The following TPM1 variants were observed in gnomAD, a reference collection of about 807,000 sequenced individuals.
The protein encoded by TPM1 is tropomyosin alpha-1 chain.
In TPM1, 24 loss-of-function variants were observed where a neutral mutation model predicts 42.9. The observed-to-expected ratio is 0.56, with a 90% CI of 0.41 to 0.79. The LOEUF (loss-of-function observed/expected upper bound fraction) is 0.79, where lower values mean the gene tolerates loss of function less well. Among genes scored for constraint, TPM1 ranks in the 30% least tolerant of loss-of-function variants. TPM1 has a pLI of 0.00. For missense variants in TPM1, 158 were observed against 351.8 expected, an observed-to-expected ratio of 0.45 and a Z score of 4.41; for synonymous variants, 136 against 130.1, an observed-to-expected ratio of 1.05 and a Z score of -0.31.
chr15:63,065,193 GAGA>G lies in TPM1; in HGVS notation c.852-698_852-696del. 4.1e-6 allele frequency: 4 copies of G among 985,488 alleles called. No individual in the cohort carries two copies. In the Middle Eastern group the frequency reaches 1.6e-3, roughly 386 times the overall value. The allele number at this position is 985,488 out of a possible 1,614,324, so 61.0% of individuals were successfully genotyped here. A position where few individuals can be genotyped will look rare whatever the true frequency, so the allele number is the denominator to read the frequency against. On this transcript the variant is annotated intron_variant, in intron 9 of 9. Coordinates refer to ENST00000403994, the MANE Select transcript of TPM1 (RefSeq NM_001018005.2). ...TTGGAGTAGGTAGTCTTGTTATCAT[GAGA>G]AGAACCTTGAACAGATACAACTAAT...
At chr15:63,049,063 T>C (rs78880342) in intron 2 of TPM1, 20,500 of 296,784 alleles carry the variant, frequency 0.069, 1,078 homozygotes, top group East Asian at 0.17. Context: ...TGGCTTGCTT[T>C]ACTCTGAGAG....
At position 63,061,271 on chromosome 15, in the gene TPM1, A is replaced by G. The variant is rs1566965048; in HGVS notation, c.563+332A>G. Reference sequence around the variant, plus strand: ...GAAAGCATTAATGGCTGCAGAGGATAAGGTACTGATGGCTCGTGTGGTTTT... The same window carrying G: ...GAAAGCATTAATGGCTGCAGAGGATGAGGTACTGATGGCTCGTGTGGTTTT... On this transcript the variant is annotated intron_variant, in intron 5 of 9. Coordinates refer to ENST00000403994, the MANE Select transcript of TPM1 (RefSeq NM_001018005.2). 7 of 1,614,194 alleles carry G rather than the reference A, an allele frequency of 4.3e-6. No individual in the cohort carries two copies. Among genetic ancestry groups the G allele is most frequent in the Non-Finnish European group, 5.9e-6 (7 of 1,180,014 alleles).
intron 9 of TPM1, chr15:63,064,650 G>C: frequency 1.0e-6 from 1 of 999,134 alleles, no homozygotes; most frequent in South Asian, 4.3e-5. Flanking sequence ...TACTACAAAA[G>C]ATCATCTCTT....
chr15:63,049,148 C>G, intron 2 of TPM1: 1 of 207,578 alleles, frequency 4.8e-6, no homozygotes, highest in Non-Finnish European at 1.0e-5. Context: ...GTGGGAGAGG[C>G]ACTGTGGACT....
intron 1 of TPM1, chr15:63,043,648 T>C (rs2031695923): frequency 6.5e-7 from 1 of 1,535,502 alleles, no homozygotes. Flanking sequence ...CCGTGTGTTG[T>C]GTGTGTCTAA....
intron 5 of TPM1, 37 bp downstream of exon 5, chr15:63,060,976 T>G (rs1035270359): frequency 6.2e-7 from 1 of 1,611,660 alleles, no homozygotes; most frequent in Non-Finnish European, 8.5e-7. Flanking sequence ...ACGAATGGGG[T>G]GCTGCAGAGC....
intron 5 of TPM1, 104 bp from the exon 6 acceptor site, chr15:63,061,609 C>A: frequency 9.0e-7 from 1 of 1,112,920 alleles, no homozygotes; most frequent in Non-Finnish European, 1.4e-6. Context: ...GGCAGCCCTT[C>A]GTCTCTAGGA....
chr15:63,065,828 CCTTT>C (rs1487202213), intron 9 of TPM1, 64 bp from the exon 10 acceptor site: 9 of 1,511,704 alleles, frequency 6.0e-6, no homozygotes, highest in Non-Finnish European at 6.3e-6. Flanking sequence ...GGTTTGGTTT[CCTTT>C]CTTTTTTTTT....
At chr15:63,050,726 A>G (rs750783263) in intron 2 of TPM1, among the ~76,000 whole-genome samples, 4 of 152,226 alleles carry the variant, frequency 2.6e-5, no homozygotes, top group Non-Finnish European at 5.9e-5. Flanking sequence ...GGATCAGACC[A>G]TTGAAGAGAG....
At chr15:63,043,006 G>C in intron 1 of TPM1, 63 bp downstream of exon 1, 8 of 1,450,646 alleles carry the variant, frequency 5.5e-6, no homozygotes, top group Non-Finnish European at 7.6e-6. Context: ...TGGCACCCCC[G>C]GCTGGATCCC....
intron 2 of TPM1, chr15:63,045,953 G>A (rs942772649): frequency 2.0e-5 from 3 of 152,144 alleles, no homozygotes; most frequent in Non-Finnish European, 4.4e-5. Flanking sequence ...CTGGAGTTTG[G>A]AGCCCGTAGG....
intron 2 of TPM1, among the ~76,000 whole-genome samples, chr15:63,049,559 T>TG (rs1469952677): frequency 1.3e-5 from 2 of 152,186 alleles, no homozygotes; most frequent in Admixed American, 1.3e-4. Context: ...TGTGTGTGTG[T>TG]TTTTAATGAA....
chr15:63,064,217 T>C, intron 9 of TPM1, 75 bp downstream of exon 9: 1 of 1,567,844 alleles, frequency 6.4e-7, no homozygotes, highest in South Asian at 1.2e-5. Context: ...CATGCCTTCC[T>C]TGCTCCCTAA....
chr15:63,044,474 G>T (rs1013634327), intron 2 of TPM1: 2 of 586,428 alleles, frequency 3.4e-6, no homozygotes, highest in South Asian at 4.2e-5. Context: ...AAACCCTTGA[G>T]GTGTCATCAC....
chr15:63,060,558 T>C (rs2035471911), intron 4 of TPM1, among the ~76,000 whole-genome samples: 1 of 152,184 alleles, frequency 6.6e-6, no homozygotes, highest in Admixed American at 6.5e-5. Flanking sequence ...CTGCTGTTTT[T>C]GAGATTGTGA....
At chr15:63,069,328 T>A (rs2036468520), downstream of TPM1, among the ~76,000 whole-genome samples, 2 of 152,076 alleles carry the variant, frequency 1.3e-5, no homozygotes, top group South Asian at 4.1e-4. Flanking sequence ...TTTCAAAAAA[T>A]TTCAGTGCAG....
At chr15:63,052,394 G>A (rs148542779) in intron 2 of TPM1, among the ~76,000 whole-genome samples, 273 of 152,246 alleles carry the variant, frequency 1.8e-3, no homozygotes, top group African/African-American at 5.9e-3. Flanking sequence ...ATGGTGTCAC[G>A]TGCCTGTAAT....
chr15:63,043,485 G>A, intron 1 of TPM1: 2 of 745,618 alleles, frequency 2.7e-6, no homozygotes, highest in Non-Finnish European at 4.7e-6. Context: ...TGAGCCCGCT[G>A]AGACCTCGGC....
At chr15:63,047,137 C>G (rs1027186922) in intron 2 of TPM1, 2 of 152,294 alleles carry the variant, frequency 1.3e-5, no homozygotes, top group Non-Finnish European at 2.9e-5. Context: ...TGTAACCTCC[C>G]CACCTGACCA....
Sources: allele counts gnomAD v4.1 joint callset (sites outside exome capture counted in the v4.1 genomes callset), GRCh38; gene constraint gnomAD v4.1.1; transcripts MANE v1.5; gene names NCBI Gene and HGNC (gene_info 2026-07-23, HGNC 2026-07-21).